Variants in SEC23IP observed in about 807,000 individuals in gnomAD.
The protein encoded by SEC23IP is SEC23-interacting protein.
Under a neutral mutation model 113.4 loss-of-function variants are expected in SEC23IP, and 70 were observed. That is an observed-to-expected ratio of 0.62 (90% CI 0.51 to 0.75). The LOEUF is 0.75. Ranked by LOEUF, SEC23IP falls within the 30% of genes least tolerant of loss-of-function variation. SEC23IP has a pLI of 0.00. For missense variants in SEC23IP, 1,160 were observed against 1,204.9 expected, an observed-to-expected ratio of 0.96 and a Z score of 0.55; for synonymous variants, 398 against 421.0, an observed-to-expected ratio of 0.95 and a Z score of 0.67.
chr10:119,927,282 A>G (rs1855453154), intron 13 of SEC23IP, among the ~76,000 whole-genome samples: 1 of 152,182 alleles, frequency 6.6e-6, no homozygotes, highest in Non-Finnish European at 1.5e-5. Flanking sequence ...TTATTTCCTT[A>G]TTATTGAAGG....
intron 12 of SEC23IP, among the ~76,000 whole-genome samples, chr10:119,925,339 T>C (rs1370886372): frequency 2.0e-5 from 3 of 152,216 alleles, no homozygotes; most frequent in Non-Finnish European, 4.4e-5. Context: ...ACAGTATGTA[T>C]TCTTTTATAC....
chr10:119,894,327 G>A (rs981995482), intron 1 of SEC23IP, among the ~76,000 whole-genome samples: 1 of 152,166 alleles, frequency 6.6e-6, no homozygotes, highest in Non-Finnish European at 1.5e-5. Context: ...TTGTTTGAAG[G>A]ATGAAAGACA....
chr10:119,918,657 T>TC, intron 10 of SEC23IP, 146 bp downstream of exon 10: 1 of 626,860 alleles, frequency 1.6e-6, no homozygotes, highest in South Asian at 1.8e-5. Flanking sequence ...TTGCTTGGGC[T>TC]AGTCTTGAGT....
intron 13 of SEC23IP, among the ~76,000 whole-genome samples, chr10:119,929,125 TAATA>T (rs890063437): frequency 4.6e-5 from 7 of 152,222 alleles, no homozygotes; most frequent in African/African-American, 1.4e-4. Flanking sequence ...TTTATAACCA[TAATA>T]AATATAGTAA....
intron 15 of SEC23IP, among the ~76,000 whole-genome samples, chr10:119,931,555 ATT>A (rs755087472): frequency 1.8e-4 from 24 of 135,228 alleles, no homozygotes; most frequent in Admixed American, 2.2e-4. Context: ...ATGTGCTTAC[ATT>A]TTTTTTTTTT....
At chr10:119,917,088 T>C (rs1564915625) in intron 8 of SEC23IP, among the ~76,000 whole-genome samples, 1 of 152,196 alleles carries the variant, frequency 6.6e-6, no homozygotes, top group Non-Finnish European at 1.5e-5. Context: ...AAGCTGGTCT[T>C]GATCTCCCGG....
intron 9 of SEC23IP, 37 bp from the exon 10 acceptor site, chr10:119,918,356 C>G (rs762197492): frequency 4.1e-6 from 5 of 1,227,402 alleles, no homozygotes; most frequent in Middle Eastern, 1.9e-4. Context: ...ATAAAAGTAC[C>G]TACTACATTA....
In SEC23IP at chr10:119,929,662, G is replaced by C. The variant is rs767430384; in HGVS notation, c.2369G>C (p.Gly790Ala). 1 of 1,608,160 alleles carries C rather than the reference G, an allele frequency of 6.2e-7. No homozygotes were observed. Among genetic ancestry groups the C allele is most frequent in the Admixed American group, 1.7e-5 (1 of 59,970 alleles). Residue 790 changes from glycine to alanine, a missense_variant, in exon 14 of 19, where the codon GGG becomes GCG. Coordinates refer to ENST00000369075, the MANE Select transcript of SEC23IP (RefSeq NM_007190.4). ...DFEPEIFFAL[G>A]SPIAMFLTIR... is the part of the protein sequence containing the mutation. ...GAACCAGAGATATTCTTTGCCTTGG[G>C]GTCTCCAATTGCTATGTTTCTCACT...
chr10:119,899,558 A>G (rs992410994), intron 2 of SEC23IP, among the ~76,000 whole-genome samples: 2 of 152,196 alleles, frequency 1.3e-5, no homozygotes, highest in Non-Finnish European at 2.9e-5. Context: ...TTAAGAACCC[A>G]TTTCAGTGTG....
intron 7 of SEC23IP, among the ~76,000 whole-genome samples, chr10:119,915,396 G>T (rs561080783): frequency 2.6e-5 from 4 of 152,122 alleles, no homozygotes; most frequent in Non-Finnish European, 4.4e-5. Flanking sequence ...TAGGGGTTGG[G>T]GGTAAGTGAA....
intron 2 of SEC23IP, among the ~76,000 whole-genome samples, chr10:119,900,317 T>A (rs964821411): frequency 3.4e-5 from 5 of 148,370 alleles, no homozygotes; most frequent in African/African-American, 7.4e-5. Context: ...ATATATAAAA[T>A]TTTTTTTTTT....
intron 2 of SEC23IP, among the ~76,000 whole-genome samples, chr10:119,900,073 ATG>A (rs1407555965): frequency 2.1e-5 from 3 of 143,670 alleles, no homozygotes; most frequent in Non-Finnish European, 4.5e-5. Context: ...TTCTGTATAT[ATG>A]CAATTTTGGG....
intron 1 of SEC23IP, among the ~76,000 whole-genome samples, chr10:119,897,469 G>C (rs992452698): frequency 6.6e-6 from 1 of 152,134 alleles, no homozygotes; most frequent in Admixed American, 6.5e-5. Context: ...GTAATGATAA[G>C]TCTGTGATAG....
chr10:119,913,811 T>G (rs1396320052), intron 6 of SEC23IP, among the ~76,000 whole-genome samples: 1 of 152,002 alleles, frequency 6.6e-6, no homozygotes, highest in African/African-American at 2.4e-5. Flanking sequence ...TTATGTTATT[T>G]TTATGTTTTT....
chr10:119,927,075 T>G (rs1855447000), intron 13 of SEC23IP, among the ~76,000 whole-genome samples: 1 of 152,128 alleles, frequency 6.6e-6, no homozygotes, highest in Non-Finnish European at 1.5e-5. Flanking sequence ...AATTTTTTCA[T>G]TTTTTGTAGA....
intron 12 of SEC23IP, among the ~76,000 whole-genome samples, chr10:119,923,436 A>G (rs781493487): frequency 1.3e-5 from 2 of 151,544 alleles, no homozygotes; most frequent in Non-Finnish European, 1.5e-5. Flanking sequence ...AATATTTGTG[A>G]TATTTGTGAC....
In SEC23IP at chr10:119,904,339, G is replaced by C. The variant is rs73357845; in HGVS notation, c.1101+62G>C. On this transcript the variant is annotated intron_variant, in intron 4 of 18. Transcript: ENST00000369075. ...AAATGTAGGTCCTATATACATTGGT[G>C]AGTAACATCATTCACAGTGGAGCGG... 1.4e-3 allele frequency: 1,871 copies of C among 1,384,498 alleles called. 25 individuals carry two copies. The African/African-American group carries it at 0.024, about 17-fold the overall frequency. 85.8% of individuals were successfully genotyped at this position (1,384,498 alleles called of 1,614,324 possible). A position where few individuals can be genotyped will look rare whatever the true frequency, so the allele number is the denominator to read the frequency against.
At chr10:119,925,449 A>C (rs1855389448) in intron 12 of SEC23IP, among the ~76,000 whole-genome samples, 1 of 152,020 alleles carries the variant, frequency 6.6e-6, no homozygotes, top group Admixed American at 6.6e-5. Flanking sequence ...CTTCTTAATT[A>C]TTTTTCTTAA....
rs1564914709 is a variant in SEC23IP at position 119,915,646 on chromosome 10, CTT to C, written c.1403-100_1403-99del. The stretch of plus-strand genomic sequence containing the variant: ...TCATTTTTTTCTTTAAAAAATGTAT[CTT>C]TATGTTATTAAAAATACTGGCATAT... On this transcript the variant is annotated intron_variant, in intron 7 of 18. Coordinates refer to ENST00000369075, the MANE Select transcript of SEC23IP (RefSeq NM_007190.4). The C allele has an allele frequency of 8.3e-6, 7 of 840,144 alleles. No homozygotes were observed. In the African/African-American group the frequency reaches 1.1e-4, roughly 13 times the overall value. The allele number at this position is 840,144 out of a possible 1,614,324, so 52.0% of individuals were successfully genotyped here.
Sources: allele counts gnomAD v4.1 joint callset (sites outside exome capture counted in the v4.1 genomes callset), GRCh38; gene constraint gnomAD v4.1.1; transcripts MANE v1.5; gene names NCBI Gene and HGNC (gene_info 2026-07-23, HGNC 2026-07-21).